Variants in CDS2 observed in about 807,000 individuals in gnomAD.
CDS2 encodes phosphatidate cytidylyltransferase 2.
In CDS2, 47 loss-of-function variants were observed where a neutral mutation model predicts 59.0. The ratio of observed to expected loss-of-function variants is 0.80; its 90% CI spans 0.63 to 1.02. The LOEUF (loss-of-function observed/expected upper bound fraction) is 1.02. Among genes scored for constraint, CDS2 ranks in the 50% least tolerant of loss-of-function variants. The pLI is 0.00. For missense variants in CDS2, 356 were observed against 558.9 expected, an observed-to-expected ratio of 0.64 and a Z score of 3.66; for synonymous variants, 207 against 206.4, an observed-to-expected ratio of 1.00 and a Z score of -0.02.
chr20:5,177,182 G>A (rs1372318248), intron 4 of CDS2, among the ~76,000 whole-genome samples: 1 of 152,038 alleles, frequency 6.6e-6, no homozygotes, highest in East Asian at 1.9e-4. Flanking sequence ...TGATGATCCC[G>A]TTTTTCTAGA....
intron 9 of CDS2, among the ~76,000 whole-genome samples, 189 bp from the exon 10 acceptor site, chr20:5,186,498 G>A (rs928398258): frequency 2.6e-5 from 4 of 151,802 alleles, no homozygotes; most frequent in Admixed American, 6.6e-5. Flanking sequence ...ACCTTGGTGG[G>A]TCATGAGCCT....
intron 5 of CDS2, among the ~76,000 whole-genome samples, chr20:5,180,893 G>C (rs944672652): frequency 9.2e-5 from 14 of 152,092 alleles, no homozygotes; most frequent in Non-Finnish European, 1.6e-4. Context: ...TACCTATCGA[G>C]GTCTCTTGTA....
chr20:5,150,434 G>A (rs1343738940), intron 1 of CDS2, among the ~76,000 whole-genome samples: 1 of 152,186 alleles, frequency 6.6e-6, no homozygotes, highest in African/African-American at 2.4e-5. Flanking sequence ...CCTGGTCTCC[G>A]CCAGTCATTT....
Position 5,176,634 on chromosome 20 carries a change from T to G in CDS2, c.292-14T>G, listed in dbSNP as rs756543838. The G allele has an allele frequency of 1.2e-6, 2 of 1,604,232 alleles. No individual in the cohort carries two copies. The highest frequency in any genetic ancestry group is 4.5e-5 in the East Asian group (2 of 44,834). ...TAAGAATTGGGGTGTCAGTGAATGT[T>G]TTGTGTCCCGCAGGTGATGTGCGTT... On this transcript the variant is annotated splice_polypyrimidine_tract_variant and intron_variant, in intron 3 of 12. Transcript: ENST00000460006.
intron 1 of CDS2, among the ~76,000 whole-genome samples, chr20:5,154,491 G>A (rs2090817488): frequency 6.6e-6 from 1 of 152,212 alleles, no homozygotes; most frequent in Admixed American, 6.5e-5. Flanking sequence ...CCAAATGGAG[G>A]AGATAGACAA....
intron 1 of CDS2, among the ~76,000 whole-genome samples, chr20:5,135,222 C>T (rs1174931718): frequency 6.6e-6 from 1 of 152,188 alleles, no homozygotes; most frequent in Admixed American, 6.5e-5. Flanking sequence ...GCCACCGTGC[C>T]CGGCCATTGT....
intron 1 of CDS2, among the ~76,000 whole-genome samples, chr20:5,139,640 AG>A (rs1367185752): frequency 1.3e-5 from 2 of 152,202 alleles, no homozygotes; most frequent in African/African-American, 4.8e-5. Flanking sequence ...TCTAGTGCTT[AG>A]AGGAAGGCTT....
chr20:5,178,421 C>T (rs1236268469), intron 4 of CDS2, among the ~76,000 whole-genome samples: 12 of 152,032 alleles, frequency 7.9e-5, no homozygotes, highest in Non-Finnish European at 5.9e-5. Context: ...GTGGCAAAGC[C>T]GGAAGAAACC....
At chr20:5,152,868 T>G (rs1474280811) in intron 1 of CDS2, among the ~76,000 whole-genome samples, 2 of 152,228 alleles carry the variant, frequency 1.3e-5, no homozygotes, top group Non-Finnish European at 2.9e-5. Flanking sequence ...GACAGCTTGG[T>G]GTGGGTAAGT....
intron 1 of CDS2, among the ~76,000 whole-genome samples, chr20:5,170,488 T>A (rs1332982138): frequency 1.3e-5 from 2 of 152,252 alleles, no homozygotes; most frequent in African/African-American, 4.8e-5. Context: ...TTCTGTTCCC[T>A]TTGGCGTCCA....
chr20:5,178,367 AGAATGTCAG>A (rs1466116647), intron 4 of CDS2, among the ~76,000 whole-genome samples: 1 of 152,236 alleles, frequency 6.6e-6, no homozygotes, highest in Non-Finnish European at 1.5e-5. Flanking sequence ...AGAAGCAAAG[AGAATGTCAG>A]GAGCAGGAAA....
intron 3 of CDS2, chr20:5,175,786 AAAAC>A (rs375170893): frequency 0.033 from 5,234 of 158,900 alleles, 118 homozygotes; most frequent in Non-Finnish European, 0.049. Context: ...ACTCCATCTC[AAAAC>A]AAACAAACAA....
intron 8 of CDS2, among the ~76,000 whole-genome samples, 178 bp downstream of exon 8, chr20:5,185,123 GATA>G (rs1251692377): frequency 1.3e-5 from 2 of 151,506 alleles, no homozygotes; most frequent in African/African-American, 4.8e-5. Flanking sequence ...AAAAAAAAAA[GATA>G]ATAAAGAAAA....
intron 8 of CDS2, among the ~76,000 whole-genome samples, 195 bp from the exon 9 acceptor site, chr20:5,185,563 T>C (rs889505311): frequency 6.6e-5 from 10 of 152,126 alleles, no homozygotes; most frequent in Non-Finnish European, 1.3e-4. Flanking sequence ...GAATGACTGA[T>C]TGAAACAGAA....
intron 10 of CDS2, among the ~76,000 whole-genome samples, chr20:5,188,700 G>A (rs2091089086): frequency 6.6e-6 from 1 of 152,242 alleles, no homozygotes; most frequent in Non-Finnish European, 1.5e-5. Flanking sequence ...AGAAGTGTGA[G>A]AAGTGTGGCA....
chr20:5,182,412 G>T lies in CDS2; in HGVS notation c.555G>T (p.Leu185=), dbSNP rs879108482. 6.2e-7 allele frequency: 1 copy of T among 1,611,792 alleles called. No homozygotes were observed. Among genetic ancestry groups the T allele is most frequent in the African/African-American group, 1.3e-5 (1 of 74,890 alleles). ...LIGFCMFVLS[L]VKKHYRLQFY... is the part of the protein sequence containing the mutation. ...GATTCTGCATGTTTGTACTGAGTCT[G>T]GTCAAGAAGCATTATCGACTGCAGT... Residue 185 remains leucine (L), a synonymous_variant, in exon 6 of 13, where the codon CTG becomes CTT. Coordinates refer to ENST00000460006, the MANE Select transcript of CDS2 (RefSeq NM_003818.4).
rs180690156 is a variant in CDS2, at chr20:5,133,847, G to A, written c.57+6698G>A. ...GCCTATGAAGGTCTTCTAATTCCCG[G>A]TTGTTGTTTTTTATTTTTTTCTCAT... On this transcript the variant is annotated intron_variant, in intron 1 of 12. Transcript: ENST00000460006. Among the ~76,000 whole-genome samples the A allele has an allele frequency of 8.3e-4, 127 of 152,098 alleles. 1 individual carries two copies. Among genetic ancestry groups the A allele is most frequent in the African/African-American group, 2.9e-3 (121 of 41,480 alleles).
chr20:5,159,243 T>C (rs2090857372), intron 1 of CDS2, among the ~76,000 whole-genome samples: 1 of 151,930 alleles, frequency 6.6e-6, no homozygotes, highest in Non-Finnish European at 1.5e-5. Context: ...TTGTTACATA[T>C]GTATACATGT....
chr20:5,151,022 C>T (rs2090785102), intron 1 of CDS2, among the ~76,000 whole-genome samples: 1 of 152,226 alleles, frequency 6.6e-6, no homozygotes, highest in Admixed American at 6.5e-5. Context: ...GTATGGTTGT[C>T]AGGAGGTTGA....
Sources: gnomAD v4.1 joint callset for allele counts (sites outside exome capture counted in the v4.1 genomes callset) on GRCh38, gnomAD v4.1.1 for gene constraint, MANE v1.5 for transcripts, NCBI Gene and HGNC (gene_info 2026-07-23, HGNC 2026-07-21) for gene names.